The following GFRAL variants were observed in gnomAD, a reference collection of about 807,000 sequenced individuals.
GFRAL encodes the protein GDNF family receptor alpha-like.
In GFRAL, 36 loss-of-function variants were observed where a neutral mutation model predicts 45.4. The observed-to-expected ratio is 0.79, with a 90% CI of 0.61 to 1.05. The LOEUF is 1.05. Ranked by LOEUF, GFRAL falls within the 50% of genes least tolerant of loss-of-function variation. The pLI, the probability that GFRAL is intolerant of heterozygous loss-of-function variation, is 0.00. For missense variants in GFRAL, 507 were observed against 467.5 expected, an observed-to-expected ratio of 1.08 and a Z score of -0.78; for synonymous variants, 166 against 154.1, an observed-to-expected ratio of 1.08 and a Z score of -0.57.
chr6:55,375,405 C>A (rs1292482096), intron 6 of GFRAL, among the ~76,000 whole-genome samples: 2 of 152,056 alleles, frequency 1.3e-5, no homozygotes, highest in African/African-American at 4.8e-5. Context: ...CGAGTTTGTT[C>A]ATAATTTGGC....
chr6:55,327,785 T>A (rs1284340574), intron 1 of GFRAL, among the ~76,000 whole-genome samples: 1 of 152,070 alleles, frequency 6.6e-6, no homozygotes, highest in East Asian at 1.9e-4. Context: ...TAATGCAGCA[T>A]GTGAAAATTG....
intron 6 of GFRAL, among the ~76,000 whole-genome samples, chr6:55,395,789 A>AAAG (rs1424592886): frequency 6.6e-6 from 1 of 150,878 alleles, no homozygotes; most frequent in Non-Finnish European, 1.5e-5. Flanking sequence ...TGGAAAAAAA[A>AAAG]AAAAAAGAAA....
rs764891737 is a variant in GFRAL, at chr6:55,351,326, G to C, written c.444G>C (p.Leu148Phe). The change falls in exon 5 of 9, where the codon TTG (leucine) becomes TTC (phenylalanine). Residue 148 changes from leucine to phenylalanine, a missense_variant. Coordinates refer to ENST00000340465, the MANE Select transcript of GFRAL (RefSeq NM_207410.2). ...CVGDVVCNAQ[L>F]ASYLKACSAN... ...GGGATGTGGTCTGTAATGCACAGTT[G>C]GCCTCTTACCTTAAAGCTTGCTCAG... is the stretch of plus-strand genomic sequence containing the variant. The C allele has an allele frequency of 1.2e-6, 2 of 1,613,460 alleles. No individual in the cohort carries two copies. The highest frequency in any genetic ancestry group is 1.7e-6 in the Non-Finnish European group (2 of 1,179,634).
chr6:55,338,656 G>A lies in GFRAL; in HGVS notation c.316+4712G>A, dbSNP rs1026485816. ...CTCAGAAGACTTCACAGAATTGTTA[G>A]ACTTGGGCCTTTTAGGGTAAGTTGG... On this transcript the variant is annotated intron_variant, in intron 3 of 8. Transcript: ENST00000340465. Among the ~76,000 whole-genome samples, 18 of 152,260 alleles carry A rather than the reference G, an allele frequency of 1.2e-4. No homozygotes were observed. In the East Asian group the frequency reaches 3.3e-3, roughly 28 times the overall value.
intron 6 of GFRAL, among the ~76,000 whole-genome samples, chr6:55,359,719 T>C (rs1768248197): frequency 6.6e-6 from 1 of 151,946 alleles, no homozygotes; most frequent in Non-Finnish European, 1.5e-5. Context: ...AGCCAAAAAC[T>C]CTTATGTGGA....
At chr6:55,392,252 C>T (rs746757548) in intron 6 of GFRAL, among the ~76,000 whole-genome samples, 3 of 152,102 alleles carry the variant, frequency 2.0e-5, no homozygotes, top group Non-Finnish European at 4.4e-5. Flanking sequence ...TACATTTTTC[C>T]CCTTACTGGA....
chr6:55,364,264 C>T (rs1030572700), intron 6 of GFRAL, among the ~76,000 whole-genome samples: 62 of 151,532 alleles, frequency 4.1e-4, no homozygotes, highest in African/African-American at 6.3e-4. Context: ...TCATGTCCTT[C>T]GCCCACTTTT....
At position 55,358,881 on chromosome 6, in the gene GFRAL, T is replaced by C. The variant is rs1768231323; in HGVS notation, c.702-7T>C. On this transcript the variant is annotated splice_region_variant and splice_polypyrimidine_tract_variant and intron_variant, in intron 5 of 8. Coordinates refer to ENST00000340465, the MANE Select transcript of GFRAL (RefSeq NM_207410.2). ...AAACTAATTATTTTTCTTCACTCTT[T>C]CTCTAGGAGGCACTATAGAACATTT... 6.2e-7 allele frequency: 1 copy of C among 1,609,960 alleles called. No individual in the cohort carries two copies. The highest frequency in any genetic ancestry group is 8.5e-7 in the Non-Finnish European group (1 of 1,177,410).
Position 55,359,142 on chromosome 6 carries a change from A to T in GFRAL, c.952+4A>T. ...CTTCATAGAAAATCATGTTTCAGTAAGTTCCCCAAATAAAATTATCTGTCT... is the reference window on the plus strand; with the variant it reads ...CTTCATAGAAAATCATGTTTCAGTATGTTCCCCAAATAAAATTATCTGTCT... On this transcript the variant is annotated splice_donor_region_variant and intron_variant, in intron 6 of 8. Transcript: ENST00000340465. 1 of 1,571,750 alleles carries T rather than the reference A, an allele frequency of 6.4e-7. No homozygotes were observed.
At chr6:55,333,171 C>T (rs17683184) in intron 2 of GFRAL, among the ~76,000 whole-genome samples, 38,175 of 151,790 alleles carry the variant, frequency 0.25, 5,174 homozygotes, top group Middle Eastern at 0.44. Flanking sequence ...CTGAAATATG[C>T]GTATTCTCAA....
chr6:55,369,150 C>T (rs544495289), intron 6 of GFRAL, among the ~76,000 whole-genome samples: 3 of 151,784 alleles, frequency 2.0e-5, no homozygotes, highest in Admixed American at 1.3e-4. Flanking sequence ...CATGGTGCGC[C>T]GTTTTTTAAG....
chr6:55,335,432 A>G (rs1767878453), intron 3 of GFRAL, among the ~76,000 whole-genome samples: 1 of 152,100 alleles, frequency 6.6e-6, no homozygotes, highest in Non-Finnish European at 1.5e-5. Flanking sequence ...GTCTTAAAAA[A>G]CAGAATTTTA....
intron 6 of GFRAL, among the ~76,000 whole-genome samples, chr6:55,363,520 C>G (rs1274082354): frequency 6.7e-6 from 1 of 150,120 alleles, no homozygotes; most frequent in Non-Finnish European, 1.5e-5. Context: ...ATGTGCCATG[C>G]TGGTGCGCTG....
intron 6 of GFRAL, among the ~76,000 whole-genome samples, chr6:55,361,753 C>A (rs1049324928): frequency 2.6e-5 from 4 of 151,952 alleles, no homozygotes; most frequent in African/African-American, 9.7e-5. Flanking sequence ...CTCATCATTG[C>A]CCCGACTTCT....
At chr6:55,378,978 T>C (rs1261862085) in intron 6 of GFRAL, among the ~76,000 whole-genome samples, 2 of 151,890 alleles carry the variant, frequency 1.3e-5, no homozygotes, top group Non-Finnish European at 2.9e-5. Flanking sequence ...TGGCAAGGAG[T>C]ATTCTACTGC....
intron 1 of GFRAL, 26 bp from the exon 2 acceptor site, chr6:55,331,689 C>A: frequency 6.3e-7 from 1 of 1,587,924 alleles, no homozygotes; most frequent in Non-Finnish European, 8.6e-7. Context: ...TATATTACAA[C>A]CTTGTTTTTG....
chr6:55,371,602 T>G (rs1049076184), intron 6 of GFRAL, among the ~76,000 whole-genome samples: 4 of 152,244 alleles, frequency 2.6e-5, no homozygotes, highest in African/African-American at 9.6e-5. Context: ...TACTGCAGAT[T>G]GGAATAAAGA....
chr6:55,372,556 A>G (rs1053868359), intron 6 of GFRAL, among the ~76,000 whole-genome samples: 4 of 152,186 alleles, frequency 2.6e-5, no homozygotes, highest in African/African-American at 9.7e-5. Flanking sequence ...ACCTCAGCAT[A>G]GGACCTCTAA....
chr6:55,391,090 A>G (rs1174240154), intron 6 of GFRAL, among the ~76,000 whole-genome samples: 5 of 152,164 alleles, frequency 3.3e-5, no homozygotes, highest in African/African-American at 1.2e-4. Flanking sequence ...GTCCAAGAGT[A>G]GTGCATCTAG....
Sources: gnomAD v4.1 joint callset for allele counts (sites outside exome capture counted in the v4.1 genomes callset) on GRCh38, gnomAD v4.1.1 for gene constraint, MANE v1.5 for transcripts, NCBI Gene and HGNC (gene_info 2026-07-23, HGNC 2026-07-21) for gene names.